Variants in ART4 observed in about 807,000 individuals in gnomAD.
ART4 encodes ADP-ribosyltransferase 4 (inactive) (Dombrock blood group).
Under a neutral mutation model 24.2 loss-of-function variants are expected in ART4, and 14 were observed. The ratio of observed to expected loss-of-function variants is 0.58; its 90% CI spans 0.38 to 0.90. The LOEUF is 0.90. ART4 is among the 40% of genes least tolerant of loss of function. ART4 has a pLI of 0.00. For missense variants in ART4, 356 were observed against 366.6 expected, an observed-to-expected ratio of 0.97 and a Z score of 0.24; for synonymous variants, 145 against 139.9, an observed-to-expected ratio of 1.04 and a Z score of -0.26.
chr12:14,841,622 C>T (rs539285796), intron 1 of ART4, among the ~76,000 whole-genome samples: 9 of 152,288 alleles, frequency 5.9e-5, no homozygotes, highest in South Asian at 2.1e-4. Context: ...AGGGGGCTCT[C>T]ATAAGTAACA....
chr12:14,829,519 C>T (rs1019347946), intron 2 of ART4, 57 bp from the exon 3 acceptor site: 21 of 1,199,960 alleles, frequency 1.8e-5, no homozygotes, highest in Middle Eastern at 1.9e-4. Flanking sequence ...TTTAAAACTA[C>T]CTCATCTATC....
At chr12:14,836,980 G>T (rs1371531461) in intron 2 of ART4, among the ~76,000 whole-genome samples, 1 of 151,628 alleles carries the variant, frequency 6.6e-6, no homozygotes, top group Non-Finnish European at 1.5e-5. Context: ...TTGCACTTTG[G>T]GGCCATTATG....
At chr12:14,842,894 T>G in intron 1 of ART4, 76 bp downstream of exon 1, 3 of 1,493,928 alleles carry the variant, frequency 2.0e-6, no homozygotes, top group Non-Finnish European at 2.7e-6. Flanking sequence ...TTTCGGCCAT[T>G]TAAAGGCTGT....
At chr12:14,834,639 T>C (rs1005651307) in intron 2 of ART4, among the ~76,000 whole-genome samples, 1 of 152,220 alleles carries the variant, frequency 6.6e-6, no homozygotes, top group Non-Finnish European at 1.5e-5. Context: ...GAACAGAGCA[T>C]GTATTTGTGT....
intron 2 of ART4, among the ~76,000 whole-genome samples, chr12:14,832,915 A>ATTG: frequency 6.6e-6 from 1 of 152,234 alleles, no homozygotes; most frequent in African/African-American, 2.4e-5. Flanking sequence ...TATTATTATT[A>ATTG]TTGTTGTTAC....
intron 2 of ART4, among the ~76,000 whole-genome samples, chr12:14,839,505 A>G (rs1950451949): frequency 6.6e-6 from 1 of 152,228 alleles, no homozygotes. Context: ...CCTTTATGCT[A>G]TACCATAGCA....
chr12:14,840,673 A>G lies in ART4; in HGVS notation c.625T>C (p.Ser209Pro). The G allele has an allele frequency of 6.2e-7, 1 of 1,614,148 alleles. No individual in the cohort carries two copies. The highest frequency in any genetic ancestry group is 1.1e-5 in the South Asian group (1 of 91,072). Residue 209 changes from serine (S) to proline (P), a missense_variant, in exon 2 of 3, where the codon TCC (serine) becomes CCC (proline). Transcript: ENST00000228936. ...GATIRFGQFL[S>P]TSLLKEEAQE... ...GCCTCTTCTTTCAGGAGGGATGTGG[A>G]GAGGAATTGGCCAAATCGAATGGTG...
intron 2 of ART4, among the ~76,000 whole-genome samples, chr12:14,833,345 T>C (rs1369614337): frequency 6.6e-6 from 1 of 152,188 alleles, no homozygotes; most frequent in East Asian, 1.9e-4. Flanking sequence ...CTCAGCTATA[T>C]TTGTTGAAGA....
chr12:14,827,653 C>G lies in ART4; in HGVS notation c.*1718G>C. On this transcript the variant is annotated 3_prime_UTR_variant, in exon 3 of 3. Transcript: ENST00000228936. ...TCCTGACCTCGTGATCCGTCCTCCT[C>G]GGCCTCCCAAAGTGCTGGGATTACA... 1 of 152,338 alleles carries G rather than the reference C, an allele frequency of 6.6e-6. No individual in the cohort carries two copies. Among genetic ancestry groups the G allele is most frequent in the East Asian group, 1.9e-4 (1 of 5,172 alleles). The allele number at this position is 152,338 out of a possible 1,614,324, so 9.4% of individuals were successfully genotyped here.
In ART4 at chr12:14,843,267, T is replaced by G; in HGVS notation, c.-154A>C. 2 of 810,450 alleles carry G rather than the reference T, an allele frequency of 2.5e-6. No homozygotes were observed. The highest frequency in any genetic ancestry group is 3.8e-6 in the Non-Finnish European group (2 of 530,746). The allele number at this position is 810,450 out of a possible 1,614,324, so 50.2% of individuals were successfully genotyped here. On this transcript the variant is annotated 5_prime_UTR_variant, in exon 1 of 3. Coordinates refer to ENST00000228936, the MANE Select transcript of ART4 (RefSeq NM_021071.4). ...ACTTCTGTTGCCCACCAACAACCAA[T>G]AGCTTGTCTGAGGGAAGAAATCAAC... is the stretch of plus-strand genomic sequence containing the variant.
At chr12:14,831,411 C>T (rs1389411648) in intron 2 of ART4, among the ~76,000 whole-genome samples, 1 of 147,322 alleles carries the variant, frequency 6.8e-6, no homozygotes, top group Non-Finnish European at 1.5e-5. Flanking sequence ...CAGGTGCACA[C>T]CACCATGCCT....
chr12:14,832,000 C>A (rs1273127937), intron 2 of ART4, among the ~76,000 whole-genome samples: 4 of 152,024 alleles, frequency 2.6e-5, no homozygotes, highest in Non-Finnish European at 5.9e-5. Flanking sequence ...CTGGTCAAAC[C>A]TTACTGCCTC....
rs1276879554 is a variant in ART4, at chr12:14,829,283, AAAAT to A, written c.*84_*87del. On this transcript the variant is annotated 3_prime_UTR_variant, in exon 3 of 3. Transcript: ENST00000228936. ...AGTATGATGGGATCATCCTTCCTGG[AAAAT>A]AAATGTCCATTTCTAGCCAAAAGGC... is the stretch of plus-strand genomic sequence containing the variant. 3.7e-5 allele frequency: 34 copies of A among 924,722 alleles called. No homozygotes were observed. The highest frequency in any genetic ancestry group is 5.2e-5 in the Non-Finnish European group (33 of 638,218). The allele number at this position is 924,722 out of a possible 1,614,324, so 57.3% of individuals were successfully genotyped here. A position where few individuals can be genotyped will look rare whatever the true frequency, so the allele number is the denominator to read the frequency against.
At chr12:14,834,330 C>T (rs1950415128) in intron 2 of ART4, among the ~76,000 whole-genome samples, 1 of 151,752 alleles carries the variant, frequency 6.6e-6, no homozygotes. Context: ...AATTGAAGCC[C>T]AGAGTAAAAG....
intron 2 of ART4, among the ~76,000 whole-genome samples, chr12:14,830,698 T>TAC (rs1565427952): frequency 1.9e-4 from 19 of 98,720 alleles, no homozygotes; most frequent in African/African-American, 7.0e-4. Flanking sequence ...TATATATATA[T>TAC]ACAGTAATTT....
In ART4 at chr12:14,828,590, C is replaced by A. The variant is rs1950373746; in HGVS notation, c.*781G>T. 6.7e-6 allele frequency: 1 copy of A among 150,094 alleles called. No individual in the cohort carries two copies. Among genetic ancestry groups the A allele is most frequent in the Non-Finnish European group, 1.5e-5 (1 of 67,788 alleles). 9.3% of individuals were successfully genotyped at this position (150,094 alleles called of 1,614,324 possible). ...GTCCTTTGCTTTCTAATTTAATCTTCTTTGATTTGTTCCTATTTAGAATAA... is the reference window on the plus strand; with the variant it reads ...GTCCTTTGCTTTCTAATTTAATCTTATTTGATTTGTTCCTATTTAGAATAA... On this transcript the variant is annotated 3_prime_UTR_variant, in exon 3 of 3. Transcript: ENST00000228936.
At chr12:14,839,860 G>A (rs900789112) in intron 2 of ART4, among the ~76,000 whole-genome samples, 3 of 152,188 alleles carry the variant, frequency 2.0e-5, no homozygotes, top group Non-Finnish European at 4.4e-5. Flanking sequence ...TTTTCCTGGA[G>A]AGAATGAGTA....
In ART4 at chr12:14,840,962, G is replaced by A. The variant is rs1439504383; in HGVS notation, c.336C>T (p.Pro112=). ...CAGCGTGTGTGGTAGTCATGTTCTG[G>A]GGTAGAACTTTTCCTTGGTTAAGCC... The part of the protein sequence containing the change: ...LAWLNQGKVL[P]QNMTTTHAVA... Residue 112 remains proline (P), a synonymous_variant, in exon 2 of 3, where the codon CCC becomes CCT. Transcript: ENST00000228936. 6.2e-7 allele frequency: 1 copy of A among 1,614,002 alleles called. No homozygotes were observed. The highest frequency in any genetic ancestry group is 2.2e-5 in the East Asian group (1 of 44,898).
chr12:14,834,636 G>A (rs556087291), intron 2 of ART4, among the ~76,000 whole-genome samples: 121 of 152,282 alleles, frequency 7.9e-4, no homozygotes, highest in African/African-American at 2.8e-3. Flanking sequence ...ATAGAACAGA[G>A]CATGTATTTG....
Sources: gnomAD v4.1 joint callset for allele counts (sites outside exome capture counted in the v4.1 genomes callset) on GRCh38, gnomAD v4.1.1 for gene constraint, MANE v1.5 for transcripts, NCBI Gene and HGNC (gene_info 2026-07-23, HGNC 2026-07-21) for gene names.